Variants in SIDT1 observed in about 807,000 individuals in gnomAD.
SIDT1 encodes the protein SID1 transmembrane family, member 1.
In SIDT1, 101 loss-of-function variants were observed where a neutral mutation model predicts 107.5. The observed-to-expected ratio is 0.94, with a 90% CI of 0.80 to 1.11. SIDT1 has a LOEUF of 1.11. Among genes scored for constraint, SIDT1 ranks in the 50% least tolerant of loss-of-function variants. SIDT1 has a pLI of 0.00. For synonymous variants in SIDT1, 395 were observed against 398.2 expected (o/e 0.99, Z 0.10); for missense variants, 1,076 against 1,058.2 (o/e 1.02, Z -0.23).
At chr3:113,575,019 C>A (rs149601727) in intron 3 of SIDT1, among the ~76,000 whole-genome samples, 1 of 151,992 alleles carries the variant, frequency 6.6e-6, no homozygotes, top group Non-Finnish European at 1.5e-5. Flanking sequence ...CACATACTGC[C>A]GACTCCATGA....
intron 10 of SIDT1, among the ~76,000 whole-genome samples, chr3:113,597,633 C>G (rs1944668594): frequency 6.6e-6 from 1 of 151,874 alleles, no homozygotes; most frequent in Non-Finnish European, 1.5e-5. Context: ...CTGAAAGACG[C>G]AAACATGCTC....
At chr3:113,563,259 T>C (rs114772903) in intron 1 of SIDT1, among the ~76,000 whole-genome samples, 2,066 of 152,326 alleles carry the variant, frequency 0.014, 48 homozygotes, top group African/African-American at 0.048. Context: ...TTGGGATAAC[T>C]GGAGAGCCAA....
At position 113,612,609 on chromosome 3, in the gene SIDT1, A is replaced by G. The variant is rs1019698372; in HGVS notation, c.1966+415A>G. On this transcript the variant is annotated intron_variant, in intron 19 of 24. Transcript: ENST00000264852. ...CATGCTAAATGGTTGTCAAGAATGA[A>G]TTATATATTTTCAGATTCTAGGGCT... 2.0e-5 allele frequency among the ~76,000 whole-genome samples: 3 copies of G among 152,310 alleles called. No individual in the cohort carries two copies. In the Middle Eastern group the frequency reaches 0.01, roughly 518 times the overall value.
At position 113,581,344 on chromosome 3, in the gene SIDT1, C is replaced by T. The variant is rs749820197; in HGVS notation, c.664-17C>T. On this transcript the variant is annotated splice_polypyrimidine_tract_variant and intron_variant, in intron 5 of 24. Transcript: ENST00000264852. ...CATTATGGATGCTTTCCATTTTATT[C>T]CTCATGCATGCTGCAGTGCCCGGTG... 58 of 1,602,090 alleles carry T rather than the reference C, an allele frequency of 3.6e-5. No homozygotes were observed. Among genetic ancestry groups the T allele is most frequent in the Non-Finnish European group, 4.7e-5 (55 of 1,169,256 alleles).
intron 24 of SIDT1, among the ~76,000 whole-genome samples, chr3:113,626,465 A>C (rs1014152407): frequency 1.3e-5 from 2 of 152,162 alleles, no homozygotes; most frequent in African/African-American, 4.8e-5. Flanking sequence ...CCTAAGTTGC[A>C]CAGCACGTTT....
At chr3:113,611,789 G>A (rs1576955012) in intron 18 of SIDT1, among the ~76,000 whole-genome samples, 1 of 152,184 alleles carries the variant, frequency 6.6e-6, no homozygotes, top group Admixed American at 6.5e-5. Context: ...TGGGAAACAC[G>A]TGTTGCCTGT....
chr3:113,630,295 C>T (rs1295138026), downstream of SIDT1, among the ~76,000 whole-genome samples: 6 of 152,196 alleles, frequency 3.9e-5, no homozygotes, highest in African/African-American at 1.2e-4. Flanking sequence ...ATGACCTCTT[C>T]ACACCCCTGA....
Position 113,601,669 on chromosome 3 carries a change from AC to A in SIDT1, c.1117+12del. 2 of 1,602,848 alleles carry A rather than the reference AC, an allele frequency of 1.2e-6. No individual in the cohort carries two copies. The highest frequency in any genetic ancestry group is 2.2e-5 in the East Asian group (1 of 44,682). ...AATTATGGGACAATAGGTATGTCCT[AC>A]CAGGTCTGTTCATGAAAGTGTTTCC... On this transcript the variant is annotated intron_variant, in intron 11 of 24. Coordinates refer to ENST00000264852, the MANE Select transcript of SIDT1 (RefSeq NM_017699.3).
intron 1 of SIDT1, among the ~76,000 whole-genome samples, chr3:113,538,795 G>A (rs1318455950): frequency 6.6e-6 from 1 of 152,152 alleles, no homozygotes; most frequent in African/African-American, 2.4e-5. Flanking sequence ...CAGTATTTTG[G>A]TCGGCAGAAA....
chr3:113,630,027 C>T, downstream of SIDT1, among the ~76,000 whole-genome samples: 1 of 152,134 alleles, frequency 6.6e-6, no homozygotes. Flanking sequence ...GAGGGGAGCA[C>T]AGAGAGCTTA....
At position 113,584,750 on chromosome 3, in the gene SIDT1, C is replaced by T; in HGVS notation, c.888C>T (p.Thr296=). ...AGCGAAAAAAGAACCTTGAAGTGAC[C>T]ATTGTCCCTTCCATTAAAGGTCAGT... is the stretch of plus-strand genomic sequence containing the variant. The part of the protein sequence containing the change: ...NLQRKKNLEV[T]IVPSIKESVY... Residue 296 remains threonine, a synonymous_variant, in exon 8 of 25, where the codon ACC becomes ACT. Transcript: ENST00000264852. 6.3e-7 allele frequency: 1 copy of T among 1,594,490 alleles called. No individual in the cohort carries two copies.
chr3:113,578,594 T>A (rs1237290480), intron 4 of SIDT1, among the ~76,000 whole-genome samples: 1 of 152,044 alleles, frequency 6.6e-6, no homozygotes, highest in Non-Finnish European at 1.5e-5. Flanking sequence ...GCACCTGTAA[T>A]CCCAACACTT....
At position 113,572,087 on chromosome 3, in the gene SIDT1, G is replaced by A. The variant is rs180936802; in HGVS notation, c.515+4377G>A. On this transcript the variant is annotated intron_variant, in intron 3 of 24. Transcript: ENST00000264852. The stretch of plus-strand genomic sequence containing the variant: ...GGAGGTGAATTGAAATATTAGGAGA[G>A]GTGAAATTGCTGAAATTTTATTAGA... Among the ~76,000 whole-genome samples the A allele has an allele frequency of 2.3e-3, 352 of 152,166 alleles. 1 individual carries two copies. The highest frequency in any genetic ancestry group is 8.0e-3 in the African/African-American group (331 of 41,500).
At chr3:113,621,662 G>A (rs533803648) in intron 21 of SIDT1, among the ~76,000 whole-genome samples, 1 of 152,234 alleles carries the variant, frequency 6.6e-6, no homozygotes, top group Admixed American at 6.5e-5. Flanking sequence ...TACTGCAAAG[G>A]TATCCTTTCT....
chr3:113,575,917 AGG>A, intron 3 of SIDT1, among the ~76,000 whole-genome samples: 1 of 152,298 alleles, frequency 6.6e-6, no homozygotes, highest in Non-Finnish European at 1.5e-5. Context: ...GGCACATTGG[AGG>A]GGCAGGGGCA....
At chr3:113,590,407 T>C (rs768948025) in intron 9 of SIDT1, among the ~76,000 whole-genome samples, 3 of 152,238 alleles carry the variant, frequency 2.0e-5, no homozygotes, top group Non-Finnish European at 4.4e-5. Flanking sequence ...AGAGAATAAT[T>C]CACATTTTAA....
chr3:113,571,281 G>C (rs2107417926), intron 3 of SIDT1, among the ~76,000 whole-genome samples: 1 of 152,230 alleles, frequency 6.6e-6, no homozygotes, highest in East Asian at 1.9e-4. Flanking sequence ...AGCCAGACAT[G>C]ATGGTGTGTG....
At chr3:113,565,095 TAAA>T (rs1941778865) in intron 1 of SIDT1, among the ~76,000 whole-genome samples, 1 of 152,180 alleles carries the variant, frequency 6.6e-6, no homozygotes, top group Admixed American at 6.5e-5. Context: ...TTTCTCCTAA[TAAA>T]GAAGTTTTCA....
At chr3:113,606,781 T>C (rs1033688997) in intron 14 of SIDT1, 9 of 367,400 alleles carry the variant, frequency 2.4e-5, no homozygotes, top group African/African-American at 1.4e-4. Context: ...GGAAATGCAA[T>C]TGGATGAATT....
Sources: allele counts gnomAD v4.1 joint callset (sites outside exome capture counted in the v4.1 genomes callset), GRCh38; gene constraint gnomAD v4.1.1; transcripts MANE v1.5; gene names NCBI Gene and HGNC (gene_info 2026-07-23, HGNC 2026-07-21).